The following ING2 variants were observed in gnomAD, a reference collection of about 807,000 sequenced individuals.
ING2 encodes the protein inhibitor of growth family member 2, also known as inhibitor of growth protein 2.
Under a neutral mutation model 30.6 loss-of-function variants are expected in ING2, and 7 were observed. The ratio of observed to expected loss-of-function variants is 0.23; its 90% CI spans 0.13 to 0.43. ING2 has a LOEUF of 0.43. ING2 is among the 20% of genes least tolerant of loss of function. The pLI is 1.00. For missense variants in ING2, 239 were observed against 334.9 expected, an observed-to-expected ratio of 0.71 and a Z score of 2.24; for synonymous variants, 136 against 121.7, an observed-to-expected ratio of 1.12 and a Z score of -0.78.
At chr4:183,507,649 T>C (rs958292618) in intron 1 of ING2, among the ~76,000 whole-genome samples, 5 of 152,270 alleles carry the variant, frequency 3.3e-5, no homozygotes, top group Admixed American at 1.3e-4. Context: ...GTTTTCACTC[T>C]GCACGTGGTT....
intron 1 of ING2, chr4:183,506,003 G>T: frequency 1.2e-6 from 1 of 847,006 alleles, no homozygotes; most frequent in Non-Finnish European, 1.5e-6. Context: ...GGGGTCCCCC[G>T]CGGGAGAGGA....
Position 183,511,658 on chromosome 4 carries a change from A to G in ING2, c.*706A>G, listed in dbSNP as rs1734823367. ...GTGTTTTCTTTTAATTGGGACAGGT[A>G]AGAGTAGTTAGCATACCAAAAATAT... is the stretch of plus-strand genomic sequence containing the variant. On this transcript the variant is annotated 3_prime_UTR_variant, in exon 2 of 2. Coordinates refer to ENST00000302327, the MANE Select transcript of ING2 (RefSeq NM_001564.4). 2.0e-5 allele frequency among the ~76,000 whole-genome samples: 3 copies of G among 152,342 alleles called. No individual in the cohort carries two copies. Among genetic ancestry groups the G allele is most frequent in the East Asian group, 1.9e-4 (1 of 5,188 alleles).
At chr4:183,508,327 A>G (rs921566384) in intron 1 of ING2, among the ~76,000 whole-genome samples, 1 of 152,136 alleles carries the variant, frequency 6.6e-6, no homozygotes, top group Admixed American at 6.5e-5. Flanking sequence ...TATTAGGTAC[A>G]AAATATTTGA....
At chr4:183,508,708 T>C (rs1282621438) in intron 1 of ING2, among the ~76,000 whole-genome samples, 2 of 152,206 alleles carry the variant, frequency 1.3e-5, no homozygotes, top group African/African-American at 4.8e-5. Flanking sequence ...AATTATAATA[T>C]TGGAATATAA....
At chr4:183,506,429 G>A in intron 1 of ING2, 1 of 733,440 alleles carries the variant, frequency 1.4e-6, no homozygotes, top group South Asian at 1.4e-5. Flanking sequence ...AAGTGTGGAG[G>A]CGAAACCACC....
intron 1 of ING2, among the ~76,000 whole-genome samples, chr4:183,507,367 C>CT (rs1734676638): frequency 2.0e-5 from 3 of 152,354 alleles, no homozygotes; most frequent in East Asian, 1.9e-4. Context: ...TCCGAAAGTG[C>CT]TGGGATTACA....
chr4:183,511,117 C>T lies in ING2; in HGVS notation c.*165C>T. On this transcript the variant is annotated 3_prime_UTR_variant, in exon 2 of 2. Transcript: ENST00000302327. ...CTTTGTCTGTGACCTTAATTTTCTG[C>T]ACTGAGTTACCAAATATTTCCAACC... 1 of 556,396 alleles carries T rather than the reference C, an allele frequency of 1.8e-6. No homozygotes were observed. The highest frequency in any genetic ancestry group is 3.0e-6 in the Non-Finnish European group (1 of 329,604). 34.5% of individuals were successfully genotyped at this position (556,396 alleles called of 1,614,324 possible). A position where few individuals can be genotyped will look rare whatever the true frequency, so the allele number is the denominator to read the frequency against.
chr4:183,505,748 C>G lies in ING2; in HGVS notation c.172+381C>G, dbSNP rs565295373. On this transcript the variant is annotated intron_variant, in intron 1 of 1. Coordinates refer to ENST00000302327, the MANE Select transcript of ING2 (RefSeq NM_001564.4). ...GGGTCGGAGGGAGTGAGCGGCCGGGCTCCCGCTGGTCTGCGGGGCGCGCTT... is the reference window on the plus strand; with the variant it reads ...GGGTCGGAGGGAGTGAGCGGCCGGGGTCCCGCTGGTCTGCGGGGCGCGCTT... 1.5e-3 allele frequency among the ~76,000 whole-genome samples: 226 copies of G among 152,204 alleles called. 1 individual carries two copies. Among genetic ancestry groups the G allele is most frequent in the African/African-American group, 5.1e-3 (214 of 41,556 alleles).
At chr4:183,509,802 C>T (rs1352372869) in intron 1 of ING2, among the ~76,000 whole-genome samples, 2 of 142,776 alleles carry the variant, frequency 1.4e-5, no homozygotes, top group African/African-American at 2.6e-5. Context: ...GGTGCGATCT[C>T]GGCTCACGGC....
At chr4:183,506,448 G>A in intron 1 of ING2, 3 of 555,166 alleles carry the variant, frequency 5.4e-6, no homozygotes, top group Non-Finnish European at 6.2e-6. Context: ...CCCTTTGCCG[G>A]CCGACCCGGG....
At chr4:183,506,178 G>C (rs1734641603) in intron 1 of ING2, 1 of 1,295,788 alleles carries the variant, frequency 7.7e-7, no homozygotes, top group South Asian at 1.2e-5. Flanking sequence ...AGTCGGGGCT[G>C]TGCGGGGGCG....
At chr4:183,505,911 G>A (rs1734630777) in intron 1 of ING2, among the ~76,000 whole-genome samples, 1 of 152,108 alleles carries the variant, frequency 6.6e-6, no homozygotes, top group Non-Finnish European at 1.5e-5. Flanking sequence ...AGTCCGTTCC[G>A]CTCTCTCGCC....
At position 183,510,417 on chromosome 4, in the gene ING2, T is replaced by C. The variant is rs1426100251; in HGVS notation, c.308T>C (p.Ile103Thr). 1 of 1,614,146 alleles carries C rather than the reference T, an allele frequency of 6.2e-7. No homozygotes were observed. Among genetic ancestry groups the C allele is most frequent in the Admixed American group, 1.7e-5 (1 of 60,018 alleles). ...SQELGDEKIQ[I>T]VTQMLELVEN... ...GAATTGGGAGATGAAAAAATACAGA[T>C]TGTTACACAAATGCTCGAATTGGTG... The change falls in exon 2 of 2, where the codon ATT becomes ACT. Residue 103 changes from isoleucine (I) to threonine (T), a missense_variant. Ile to Thr is a moderately conservative substitution (Grantham distance 89). Around this residue, in one of 5 missense-constraint regions of ING2, gnomAD observed 115 missense variants for 120.1 expected, o/e 0.96. Transcript: ENST00000302327.
rs571719648 is a variant in ING2, at chr4:183,505,224, A to G, written c.29A>G (p.Tyr10Cys). 3 of 1,601,378 alleles carry G rather than the reference A, an allele frequency of 1.9e-6. No homozygotes were observed. Among genetic ancestry groups the G allele is most frequent in the East Asian group, 4.6e-5 (2 of 43,864 alleles). MLGQQQQQLYSSAALLTGER... is the reference protein window; with the variant it reads MLGQQQQQLCSSAALLTGER... ...TTAGGGCAGCAGCAGCAGCAACTGT[A>G]CTCGTCGGCCGCGCTCCTGACCGGG... Residue 10 changes from tyrosine to cysteine, a missense_variant, in exon 1 of 2, where the codon TAC becomes TGC. Tyr to Cys is a radical substitution (Grantham distance 194, BLOSUM62 -2). This residue lies in a region of ING2 where 80 missense variants were observed against 102.4 expected (regional missense o/e 0.78). Coordinates refer to ENST00000302327, the MANE Select transcript of ING2 (RefSeq NM_001564.4).
intron 1 of ING2, among the ~76,000 whole-genome samples, chr4:183,505,757 G>C (rs1377265074): frequency 2.6e-5 from 4 of 152,074 alleles, no homozygotes. Context: ...GCTCCCGCTG[G>C]TCTGCGGGGC....
At chr4:183,507,961 A>G (rs1734718490) in intron 1 of ING2, among the ~76,000 whole-genome samples, 1 of 152,046 alleles carries the variant, frequency 6.6e-6, no homozygotes, top group East Asian at 1.9e-4. Flanking sequence ...TCCCACTCAT[A>G]ATTTCTTAGA....
At chr4:183,506,012 G>A in intron 1 of ING2, 1 of 908,088 alleles carries the variant, frequency 1.1e-6, no homozygotes, top group South Asian at 2.0e-5. Context: ...CGCGGGAGAG[G>A]AAGAGAGGGG....
Position 183,510,623 on chromosome 4 carries a change from G to A in ING2, c.514G>A (p.Asp172Asn). Reference protein sequence around the residue: ...DLCHMANGIEDCDDQPPKEKK... With the variant: ...DLCHMANGIENCDDQPPKEKK... Reference sequence around the variant, plus strand: ...ATGTCACATGGCAAATGGGATTGAAGACTGTGATGATCAGCCACCTAAAGA... The same window carrying A: ...ATGTCACATGGCAAATGGGATTGAAAACTGTGATGATCAGCCACCTAAAGA... Residue 172 changes from aspartate (D) to asparagine (N), a missense_variant, in exon 2 of 2, where the codon GAC (aspartate) becomes AAC (asparagine). Physicochemically the swap from Asp to Asn is conservative, Grantham distance 23. Around this residue, in one of 5 missense-constraint regions of ING2, gnomAD observed 115 missense variants for 120.1 expected, o/e 0.96. Transcript: ENST00000302327. The A allele has an allele frequency of 6.2e-7, 1 of 1,614,156 alleles. No homozygotes were observed. Among genetic ancestry groups the A allele is most frequent in the Non-Finnish European group, 8.5e-7 (1 of 1,180,014 alleles).
At chr4:183,508,578 T>TTCA (rs1308889811) in intron 1 of ING2, among the ~76,000 whole-genome samples, 1 of 152,228 alleles carries the variant, frequency 6.6e-6, no homozygotes, top group African/African-American at 2.4e-5. Context: ...CAAGTACGAG[T>TTCA]ACCTGCGATT....
Sources: gnomAD v4.1 joint callset for allele counts (sites outside exome capture counted in the v4.1 genomes callset) on GRCh38, gnomAD v4.1.1 for gene constraint, gnomAD v4.1.1 regional missense constraint, MANE v1.5 for transcripts, NCBI Gene and HGNC (gene_info 2026-07-23, HGNC 2026-07-21) for gene names.